Variants in RBFOX2 observed in about 807,000 individuals in gnomAD.
The protein encoded by RBFOX2 is RNA binding protein fox-1 homolog 2.
Under a neutral mutation model 49.1 loss-of-function variants are expected in RBFOX2, and 10 were observed. That is an observed-to-expected ratio of 0.20 (90% confidence interval 0.13 to 0.35). The LOEUF (loss-of-function observed/expected upper bound fraction) is 0.35. RBFOX2 is among the 10% of genes least tolerant of loss of function. RBFOX2 has a pLI of 1.00. For missense variants in RBFOX2, 323 were observed against 486.9 expected, an observed-to-expected ratio of 0.66 and a Z score of 3.17; for synonymous variants, 183 against 187.4, an observed-to-expected ratio of 0.98 and a Z score of 0.19.
chr22:35,849,129 C>T (rs996845284), intron 1 of RBFOX2, among the ~76,000 whole-genome samples: 5 of 152,172 alleles, frequency 3.3e-5, no homozygotes, highest in African/African-American at 4.8e-5. Flanking sequence ...ATGCCCTCTA[C>T]TTTATATATT....
chr22:35,838,524 G>A (rs548582445), intron 1 of RBFOX2, among the ~76,000 whole-genome samples: 74 of 152,234 alleles, frequency 4.9e-4, no homozygotes, highest in Middle Eastern at 3.4e-3. Flanking sequence ...CATCCCCAGC[G>A]TCTGGCATTC....
At chr22:35,763,486 C>T (rs1052555355) in intron 6 of RBFOX2, among the ~76,000 whole-genome samples, 3 of 152,174 alleles carry the variant, frequency 2.0e-5, no homozygotes, top group Admixed American at 1.3e-4. Context: ...CGCTTGAACC[C>T]GGGAAGTGGA....
Position 35,853,281 on chromosome 22 carries a change from G to T in RBFOX2, c.-33-43277C>A, listed in dbSNP as rs150803539. On this transcript the variant is annotated intron_variant, in intron 1 of 13. Coordinates refer to the RBFOX2 transcript ENST00000359369. ...TGCACTCCAGCCTGGGCAACAAAGT[G>T]AGCCTCTGTCTAAAAAAAAAAAAAA... 9.5e-3 allele frequency among the ~76,000 whole-genome samples: 1,382 copies of T among 144,716 alleles called. 22 individuals carry two copies. Among genetic ancestry groups the T allele is most frequent in the African/African-American group, 0.035 (1,326 of 37,714 alleles). The allele number at this position is 144,716 out of a possible 152,430, so 94.9% of individuals were successfully genotyped here.
At chr22:35,902,606 C>T (rs2048712274) in intron 1 of RBFOX2, among the ~76,000 whole-genome samples, 2 of 152,042 alleles carry the variant, frequency 1.3e-5, no homozygotes, top group Non-Finnish European at 2.9e-5. Context: ...CCCTCATTCA[C>T]TCTTCACTAC....
At chr22:35,974,341 C>T (rs955812036) in intron 1 of RBFOX2, among the ~76,000 whole-genome samples, 3 of 152,128 alleles carry the variant, frequency 2.0e-5, no homozygotes, top group African/African-American at 7.2e-5. Context: ...ATTCTTTTTC[C>T]TACATTCGTT....
chr22:36,024,088 C>T (rs1425156382), intron 1 of RBFOX2, among the ~76,000 whole-genome samples: 1 of 152,184 alleles, frequency 6.6e-6, no homozygotes. Flanking sequence ...AGCGGTTAAT[C>T]CTTTGACATT....
At chr22:35,876,701 A>AACACACACACACACACAC (rs142455818) in intron 1 of RBFOX2, among the ~76,000 whole-genome samples, 2 of 140,458 alleles carry the variant, frequency 1.4e-5, no homozygotes, top group African/African-American at 5.2e-5. Flanking sequence ...CATTAAAAGA[A>AACACACACACACACACAC]ACACACACAC....
chr22:35,861,736 A>G (rs2043118448), intron 1 of RBFOX2, among the ~76,000 whole-genome samples: 1 of 152,206 alleles, frequency 6.6e-6, no homozygotes, highest in South Asian at 2.1e-4. Flanking sequence ...AAGTTCTTAT[A>G]AATTCAAACA....
chr22:35,822,879 C>T (rs543914977), intron 1 of RBFOX2: 281 of 411,346 alleles, frequency 6.8e-4, no homozygotes, highest in Non-Finnish European at 1.2e-3. Flanking sequence ...GGCTGGAGTG[C>T]AGTGGCACAA....
intron 4 of RBFOX2, among the ~76,000 whole-genome samples, chr22:35,774,546 A>G (rs911653993): frequency 6.6e-6 from 1 of 152,190 alleles, no homozygotes; most frequent in Non-Finnish European, 1.5e-5. Flanking sequence ...AATTCACATG[A>G]AATAATTTAA....
chr22:36,018,583 A>T (rs994621321), intron 1 of RBFOX2, among the ~76,000 whole-genome samples: 4 of 152,182 alleles, frequency 2.6e-5, no homozygotes, highest in African/African-American at 9.6e-5. Flanking sequence ...ACAAGCTCTC[A>T]AAAGATTTTA....
intron 1 of RBFOX2, among the ~76,000 whole-genome samples, chr22:35,955,772 G>A (rs2055484742): frequency 6.6e-6 from 1 of 152,210 alleles, no homozygotes; most frequent in Non-Finnish European, 1.5e-5. Flanking sequence ...CAGGCCACAA[G>A]CCAGTACCAG....
At position 36,016,380 on chromosome 22, in the gene RBFOX2, G is replaced by T. The variant is rs534021804; in HGVS notation, c.186+11860C>A. The stretch of plus-strand genomic sequence containing the variant: ...CCTCCACCCCAATCCCCAGAGCTAG[G>T]AGAGTCCCACGGCCACACCACCCAT... On this transcript the variant is annotated intron_variant, in intron 1 of 13. Transcript: ENST00000438146. 1.2e-4 allele frequency among the ~76,000 whole-genome samples: 18 copies of T among 152,146 alleles called. 1 individual carries two copies. The South Asian group carries it at 3.5e-3, about 30-fold the overall frequency.
chr22:36,027,205 A>G (rs981152512), intron 1 of RBFOX2, among the ~76,000 whole-genome samples: 2 of 152,222 alleles, frequency 1.3e-5, no homozygotes, highest in Admixed American at 1.3e-4. Context: ...ATGAGTAAGA[A>G]TCTTCCAAGT....
intron 1 of RBFOX2, among the ~76,000 whole-genome samples, chr22:35,991,933 C>T (rs1040391562): frequency 2.0e-5 from 3 of 152,178 alleles, no homozygotes; most frequent in Non-Finnish European, 4.4e-5. Context: ...TGTAACCACT[C>T]CTGTGGCTAA....
chr22:35,771,617 G>A (rs577536551), intron 4 of RBFOX2, among the ~76,000 whole-genome samples: 14 of 152,018 alleles, frequency 9.2e-5, no homozygotes, highest in Non-Finnish European at 1.3e-4. Context: ...GAAAGTGAGA[G>A]GTATGACTAG....
Position 35,981,418 on chromosome 22 carries a change from G to A in RBFOX2, c.187-42521C>T, listed in dbSNP as rs1211837864. 2.0e-5 allele frequency among the ~76,000 whole-genome samples: 3 copies of A among 152,294 alleles called. No individual in the cohort carries two copies. In the East Asian group the frequency reaches 5.8e-4, roughly 29 times the overall value. On this transcript the variant is annotated intron_variant, in intron 1 of 13. Coordinates refer to the RBFOX2 transcript ENST00000438146. ...AGCACTTTGGGAGGAAAGGTGGGCA[G>A]ATCACTTGAGGCCAGGAGTTCGAGA...
intron 1 of RBFOX2, among the ~76,000 whole-genome samples, chr22:35,864,571 A>G (rs1164206787): frequency 6.6e-6 from 1 of 152,228 alleles, no homozygotes. Context: ...AAAAGTAGAA[A>G]TAAGAAAAAT....
intron 1 of RBFOX2, among the ~76,000 whole-genome samples, chr22:35,851,572 AT>A (rs1200533860): frequency 5.9e-5 from 9 of 152,302 alleles, no homozygotes; most frequent in Non-Finnish European, 1.0e-4. Flanking sequence ...CACACCTGTA[AT>A]CCCAACACTT....
Sources: gnomAD v4.1 joint callset for allele counts (sites outside exome capture counted in the v4.1 genomes callset) on GRCh38, gnomAD v4.1.1 for gene constraint, MANE v1.5 for transcripts, NCBI Gene and HGNC (gene_info 2026-07-23, HGNC 2026-07-21) for gene names.